Variants in MESD observed in about 807,000 individuals in gnomAD.
The protein encoded by MESD is mesoderm development LRP chaperone.
Under a neutral mutation model 12.9 loss-of-function variants are expected in MESD, and 7 were observed. The observed-to-expected ratio is 0.54, with a 90% confidence interval of 0.31 to 1.02. The LOEUF (loss-of-function observed/expected upper bound fraction) is 1.02. MESD is among the 50% of genes least tolerant of loss of function. MESD has a pLI of 0.05. For missense variants in MESD, 342 were observed against 296.7 expected, an observed-to-expected ratio of 1.15 and a Z score of -1.12; for synonymous variants, 126 against 115.6, an observed-to-expected ratio of 1.09 and a Z score of -0.58.
chr15:80,975,221 C>A (rs60345169), downstream of MESD, among the ~76,000 whole-genome samples: 6,113 of 98,702 alleles, frequency 0.062, 383 homozygotes, highest in African/African-American at 0.18. Flanking sequence ...AAAAAAAAAA[C>A]AAAAAAAAAA....
chr15:80,987,765 AG>A (rs1432705249), intron 1 of MESD, among the ~76,000 whole-genome samples: 2 of 150,894 alleles, frequency 1.3e-5, no homozygotes, highest in African/African-American at 4.8e-5. Context: ...TTGGGATTAC[AG>A]GCGTGAGCCA....
At chr15:80,974,051 C>T (rs1214274842), downstream of MESD, among the ~76,000 whole-genome samples, 2 of 151,768 alleles carry the variant, frequency 1.3e-5, no homozygotes, top group Non-Finnish European at 2.9e-5. Context: ...CTTGTAATAG[C>T]AATTATGGTT....
intron 2 of MESD, among the ~76,000 whole-genome samples, chr15:80,979,699 T>C (rs760827270): frequency 5.3e-5 from 8 of 152,208 alleles, no homozygotes; most frequent in Non-Finnish European, 1.0e-4. Context: ...AAACAGACAC[T>C]GGATGTTCCT....
downstream of MESD, among the ~76,000 whole-genome samples, chr15:80,972,016 C>T (rs1902299152): frequency 1.3e-5 from 2 of 149,782 alleles, no homozygotes; most frequent in South Asian, 4.2e-4. Flanking sequence ...CTCATTTCAA[C>T]GTTATTGATA....
intron 3 of MESD, chr15:80,970,522 G>T: frequency 6.6e-6 from 1 of 152,270 alleles, no homozygotes; most frequent in Non-Finnish European, 1.5e-5. Flanking sequence ...AGTGCATAAT[G>T]GGAAGTGTTG....
At chr15:80,954,125 T>G (rs915265492) in intron 3 of MESD, among the ~76,000 whole-genome samples, 1 of 152,170 alleles carries the variant, frequency 6.6e-6, no homozygotes, top group Non-Finnish European at 1.5e-5. Flanking sequence ...CTACTCATGT[T>G]CCAGGGCGTA....
intron 2 of MESD, among the ~76,000 whole-genome samples, chr15:80,980,686 A>T (rs941012968): frequency 6.6e-6 from 1 of 152,200 alleles, no homozygotes; most frequent in Non-Finnish European, 1.5e-5. Flanking sequence ...CAGTAATCCT[A>T]GCACTTTGGG....
intron 2 of MESD, among the ~76,000 whole-genome samples, chr15:80,981,287 A>G (rs1567125999): frequency 6.6e-6 from 1 of 151,652 alleles, no homozygotes; most frequent in Non-Finnish European, 1.5e-5. Flanking sequence ...AATACAAAAA[A>G]TTAGCTGGGC....
chr15:80,988,190 C>T (rs894455276), intron 1 of MESD, among the ~76,000 whole-genome samples: 3 of 152,148 alleles, frequency 2.0e-5, no homozygotes, highest in Non-Finnish European at 4.4e-5. Flanking sequence ...GCTTGCTGTG[C>T]GATGTGGAGC....
downstream of MESD, among the ~76,000 whole-genome samples, chr15:80,972,566 C>G (rs1902311072): frequency 1.3e-5 from 2 of 152,202 alleles, no homozygotes; most frequent in South Asian, 2.1e-4. Flanking sequence ...GATCGTGAGG[C>G]AGAGATTGGA....
downstream of MESD, chr15:80,946,926 GCT>G: frequency 7.1e-7 from 1 of 1,407,932 alleles, no homozygotes; most frequent in South Asian, 1.2e-5. Flanking sequence ...TCTCCAGTTT[GCT>G]CTCTCCCTCT....
chr15:80,989,434 T>C, intron 1 of MESD, 145 bp downstream of exon 1: 1 of 966,200 alleles, frequency 1.0e-6, no homozygotes, highest in Non-Finnish European at 1.5e-6. Context: ...GGGTCAACAG[T>C]GGCTTCAGTG....
exon 5 of MESD, chr15:80,947,817 A>G (rs971123848): frequency 1.3e-5 from 2 of 152,298 alleles, no homozygotes; most frequent in African/African-American, 4.8e-5. Context: ...AGCAGGTACT[A>G]TTATTTCCAT....
At chr15:80,985,869 G>C (rs1056873600) in intron 1 of MESD, among the ~76,000 whole-genome samples, 2 of 151,876 alleles carry the variant, frequency 1.3e-5, no homozygotes, top group African/African-American at 4.8e-5. Flanking sequence ...TGCCCAGGCT[G>C]GTCTCGAACT....
chr15:80,989,764 CCTT>C lies in MESD; in HGVS notation c.25_27del (p.Lys9del). ...TCAGAGGCACAAAGCAGGACCACGG[CCTT>C]GCGCGCCCACCTGGAAGCCGCCATT... On this transcript the variant is annotated inframe_deletion, in exon 1 of 3. Transcript: ENST00000261758. The C allele has an allele frequency of 6.3e-7, 1 of 1,595,128 alleles. No homozygotes were observed. The highest frequency in any genetic ancestry group is 8.5e-7 in the Non-Finnish European group (1 of 1,177,146).
downstream of MESD, chr15:80,946,836 C>G: frequency 4.2e-6 from 3 of 716,614 alleles, no homozygotes; most frequent in South Asian, 3.0e-5. Context: ...TGCCCTTTCC[C>G]GAATCCCTGG....
exon 5 of MESD, chr15:80,948,032 T>A (rs1321856363): frequency 6.5e-6 from 1 of 152,676 alleles, no homozygotes; most frequent in Non-Finnish European, 1.5e-5. Flanking sequence ...AAGGAGGACA[T>A]AAGGAAAAGA....
chr15:80,957,796 T>C (rs557501010), intron 3 of MESD, among the ~76,000 whole-genome samples: 2 of 152,328 alleles, frequency 1.3e-5, no homozygotes, highest in African/African-American at 4.8e-5. Flanking sequence ...GCTCAAAGGC[T>C]GTCAGGCAGA....
chr15:80,975,142 G>C (rs1902376836), downstream of MESD, among the ~76,000 whole-genome samples: 2 of 151,092 alleles, frequency 1.3e-5, no homozygotes, highest in African/African-American at 4.9e-5. Context: ...CAGTGAATCG[G>C]AGGCCGAGGC....
Sources: allele counts gnomAD v4.1 joint callset (sites outside exome capture counted in the v4.1 genomes callset), GRCh38; gene constraint gnomAD v4.1.1; transcripts MANE v1.5; gene names NCBI Gene and HGNC (gene_info 2026-07-23, HGNC 2026-07-21).